Variants in DECR1 observed in about 807,000 individuals in gnomAD.
The protein encoded by DECR1 is 2,4-dienoyl-CoA reductase 1.
A neutral mutation model predicts 38.8 loss-of-function variants in DECR1; 44 were observed. That is an observed-to-expected ratio of 1.13 (90% confidence interval 0.89 to 1.46). DECR1 has a LOEUF of 1.46. DECR1 is among the 40% of genes most tolerant of loss of function. The pLI, the probability that DECR1 is intolerant of heterozygous loss-of-function variation, is 0.00. For synonymous variants in DECR1, 148 were observed against 135.2 expected (o/e 1.09, Z -0.66); for missense variants, 428 against 405.5 (o/e 1.06, Z -0.48).
intron 5 of DECR1, among the ~76,000 whole-genome samples, chr8:90,023,873 CA>C (rs1172669565): frequency 6.6e-6 from 1 of 152,110 alleles, no homozygotes; most frequent in Admixed American, 6.6e-5. Flanking sequence ...CTCTCTCCCC[CA>C]ACCCCATGAC....
chr8:90,033,205 CTTTT>C (rs1225739277), intron 5 of DECR1, among the ~76,000 whole-genome samples: 10 of 152,138 alleles, frequency 6.6e-5, no homozygotes, highest in Admixed American at 3.9e-4. Context: ...TTTGAATCTT[CTTTT>C]GAAATTAGAT....
intron 1 of DECR1, among the ~76,000 whole-genome samples, chr8:90,006,993 C>T (rs1168532015): frequency 6.6e-6 from 1 of 152,104 alleles, no homozygotes; most frequent in Non-Finnish European, 1.5e-5. Flanking sequence ...TCAGTAGGGT[C>T]TGGGACTCCT....
chr8:90,037,472 G>T (rs1445333441), intron 6 of DECR1, among the ~76,000 whole-genome samples: 3 of 149,906 alleles, frequency 2.0e-5, no homozygotes, highest in African/African-American at 2.5e-5. Context: ...TTTGAGACAG[G>T]ACTTCAGTCT....
At chr8:90,014,957 A>C (rs975980478) in intron 1 of DECR1, among the ~76,000 whole-genome samples, 2 of 152,198 alleles carry the variant, frequency 1.3e-5, no homozygotes, top group African/African-American at 4.8e-5. Context: ...TGGCAAAAGG[A>C]TATGAAAAGA....
chr8:90,020,248 A>T (rs1813118374), intron 4 of DECR1, among the ~76,000 whole-genome samples: 1 of 152,240 alleles, frequency 6.6e-6, no homozygotes, highest in Admixed American at 6.5e-5. Context: ...ATAGATCATC[A>T]ACCACAAGCT....
intron 5 of DECR1, among the ~76,000 whole-genome samples, chr8:90,027,093 G>A (rs1813366029): frequency 1.3e-5 from 2 of 152,176 alleles, no homozygotes; most frequent in African/African-American, 4.8e-5. Context: ...GAGACAGTTT[G>A]TTATAATTTC....
At chr8:90,015,217 G>A (rs1812979702) in intron 1 of DECR1, among the ~76,000 whole-genome samples, 2 of 152,060 alleles carry the variant, frequency 1.3e-5, no homozygotes, top group East Asian at 3.9e-4. Flanking sequence ...TAACTGTAAA[G>A]TAATGGGTGG....
At chr8:90,051,568 T>A in intron 8 of DECR1, 109 bp from the exon 9 acceptor site, 1 of 800,300 alleles carries the variant, frequency 1.2e-6, no homozygotes, top group Non-Finnish European at 2.0e-6. Context: ...TGGGCTTGAT[T>A]TAAAGTGCCA....
At chr8:90,007,549 A>C (rs1227360462) in intron 1 of DECR1, among the ~76,000 whole-genome samples, 1 of 146,460 alleles carries the variant, frequency 6.8e-6, no homozygotes, top group Non-Finnish European at 1.5e-5. Flanking sequence ...AGGGCAGGGC[A>C]GGTGGTGGGG....
chr8:90,042,505 T>C (rs886658427), intron 6 of DECR1: 71 of 559,176 alleles, frequency 1.3e-4, no homozygotes, highest in African/African-American at 1.2e-3. Context: ...AGACTGAAGC[T>C]AGACCTCTTG....
At chr8:90,045,557 C>G (rs1438628196) in intron 8 of DECR1, among the ~76,000 whole-genome samples, 1 of 152,208 alleles carries the variant, frequency 6.6e-6, no homozygotes, top group Non-Finnish European at 1.5e-5. Flanking sequence ...GAGCCCACCA[C>G]AGCTCAAGGA....
Position 90,045,323 on chromosome 8 carries a change from C to T in DECR1, c.885+328C>T, listed in dbSNP as rs570692177. Reference sequence around the variant, plus strand: ...ATGGTACCTGGAAAATCAGGACACTCCCACCCTAATACTGCACTTTTCCAA... The same window carrying T: ...ATGGTACCTGGAAAATCAGGACACTTCCACCCTAATACTGCACTTTTCCAA... On this transcript the variant is annotated intron_variant, in intron 8 of 9. Coordinates refer to ENST00000220764, the MANE Select transcript of DECR1 (RefSeq NM_001359.2). 3.7e-4 allele frequency among the ~76,000 whole-genome samples: 57 copies of T among 152,184 alleles called. No homozygotes were observed. In the Middle Eastern group the frequency reaches 0.014, roughly 36 times the overall value.
In DECR1 at chr8:90,051,933, G is replaced by A. The variant is rs1563665305; in HGVS notation, c.*36G>A. The A allele has an allele frequency of 1.3e-6, 2 of 1,544,594 alleles. No individual in the cohort carries two copies. The highest frequency in any genetic ancestry group is 1.4e-5 in the African/African-American group (1 of 73,510). On this transcript the variant is annotated 3_prime_UTR_variant, in exon 10 of 10. Coordinates refer to ENST00000220764, the MANE Select transcript of DECR1 (RefSeq NM_001359.2). Reference sequence around the variant, plus strand: ...GCCTTCATCTTGGTTACAGAAAAGGGAATAGAAATGAAACAAATTATCTCT... The same window carrying A: ...GCCTTCATCTTGGTTACAGAAAAGGAAATAGAAATGAAACAAATTATCTCT...
chr8:90,049,136 C>G (rs1201861855), intron 8 of DECR1, among the ~76,000 whole-genome samples: 3 of 152,188 alleles, frequency 2.0e-5, no homozygotes, highest in African/African-American at 7.2e-5. Context: ...GATGCCCTCT[C>G]TCACCACTCC....
chr8:90,037,439 G>A (rs1345146398), intron 6 of DECR1, among the ~76,000 whole-genome samples: 2 of 149,112 alleles, frequency 1.3e-5, no homozygotes, highest in Non-Finnish European at 3.0e-5. Flanking sequence ...TCTCAGCAGA[G>A]TATAACTGCT....
chr8:90,032,843 T>C (rs889301682), intron 5 of DECR1, among the ~76,000 whole-genome samples: 2 of 152,162 alleles, frequency 1.3e-5, no homozygotes, highest in South Asian at 4.1e-4. Context: ...TGGTGATGTT[T>C]CCTAACGCAA....
chr8:90,023,466 C>G (rs1813216188), intron 5 of DECR1, among the ~76,000 whole-genome samples: 1 of 151,822 alleles, frequency 6.6e-6, no homozygotes, highest in Non-Finnish European at 1.5e-5. Flanking sequence ...TTATATTTTC[C>G]TTCCCAACTG....
intron 1 of DECR1, among the ~76,000 whole-genome samples, chr8:90,013,747 T>C (rs879683751): frequency 6.6e-6 from 1 of 152,196 alleles, no homozygotes; most frequent in Non-Finnish European, 1.5e-5. Context: ...ACTAATCTAC[T>C]GTTATTTGAG....
chr8:90,048,663 G>A (rs1813980950), intron 8 of DECR1, among the ~76,000 whole-genome samples: 1 of 152,190 alleles, frequency 6.6e-6, no homozygotes, highest in African/African-American at 2.4e-5. Flanking sequence ...AGAAAAAGAG[G>A]TAATCCTCCC....
Sources: allele counts gnomAD v4.1 joint callset (sites outside exome capture counted in the v4.1 genomes callset), GRCh38; gene constraint gnomAD v4.1.1; transcripts MANE v1.5; gene names NCBI Gene and HGNC (gene_info 2026-07-23, HGNC 2026-07-21).